The following EFCAB13 variants were observed in gnomAD, a reference collection of about 807,000 sequenced individuals.
The protein encoded by EFCAB13 is EF-hand calcium binding domain 13.
Under a neutral mutation model 110.2 loss-of-function variants are expected in EFCAB13, and 91 were observed. The ratio of observed to expected loss-of-function variants is 0.83; its 90% CI spans 0.70 to 0.98. The LOEUF (loss-of-function observed/expected upper bound fraction) is 0.98. Ranked by LOEUF, EFCAB13 falls within the 50% of genes least tolerant of loss-of-function variation. The pLI is 0.00. For synonymous variants in EFCAB13, 323 were observed against 369.9 expected (o/e 0.87, Z 1.45); for missense variants, 968 against 1,119.4 (o/e 0.86, Z 1.93).
intron 14 of EFCAB13, among the ~76,000 whole-genome samples, chr17:47,380,056 T>C (rs1174341805): frequency 1.3e-5 from 2 of 152,146 alleles, no homozygotes; most frequent in African/African-American, 2.4e-5. Context: ...TTAAAAAGTG[T>C]TCCTTTATGT....
intron 23 of EFCAB13, among the ~76,000 whole-genome samples, chr17:47,427,322 T>A (rs1359324003): frequency 6.6e-6 from 1 of 152,134 alleles, no homozygotes; most frequent in Non-Finnish European, 1.5e-5. Flanking sequence ...CCATAGTAAT[T>A]ACTGTCTGGG....
chr17:47,381,428 A>G (rs1364732475), intron 14 of EFCAB13, among the ~76,000 whole-genome samples: 3 of 152,174 alleles, frequency 2.0e-5, no homozygotes, highest in Non-Finnish European at 4.4e-5. Context: ...GTCTTTGCCC[A>G]TGCCTATGTC....
Position 47,341,896 on chromosome 17 carries a change from T to C in EFCAB13, c.192-25T>C, listed in dbSNP as rs770615597. On this transcript the variant is annotated intron_variant, in intron 5 of 24. Coordinates refer to ENST00000331493, the MANE Select transcript of EFCAB13 (RefSeq NM_152347.5). ...GAATAAGTAAAAAGAAATTCAAGAA[T>C]GATTCCAATTTCTGTGTCATTTAGA... The C allele has an allele frequency of 8.6e-6, 11 of 1,284,036 alleles. No homozygotes were observed. The Admixed American group carries it at 2.4e-4, about 28-fold the overall frequency. 79.5% of individuals were successfully genotyped at this position (1,284,036 alleles called of 1,614,324 possible).
rs1187612737 is a variant in EFCAB13, at chr17:47,371,059, G to GT, written c.877+553dup. On this transcript the variant is annotated intron_variant, in intron 11 of 24. Transcript: ENST00000331493. The stretch of plus-strand genomic sequence containing the variant: ...CTGGCTCTTTGCCCAGTTTTTAATG[G>GT]TTGTTTTTTTTTTTTTTTTTTTTTA... Among the ~76,000 whole-genome samples the GT allele has an allele frequency of 1.2e-3, 141 of 121,804 alleles. 1 individual carries two copies. Among genetic ancestry groups the GT allele is most frequent in the Middle Eastern group, 4.9e-3 (1 of 206 alleles). The allele number at this position is 121,804 out of a possible 152,430, so 79.9% of individuals were successfully genotyped here.
intron 10 of EFCAB13, among the ~76,000 whole-genome samples, chr17:47,363,978 C>G (rs1209713817): frequency 6.6e-6 from 1 of 152,090 alleles, no homozygotes; most frequent in Non-Finnish European, 1.5e-5. Context: ...CATGCCCTAC[C>G]AGGAACAACA....
chr17:47,424,131 G>A (rs892701195), intron 23 of EFCAB13, among the ~76,000 whole-genome samples: 6 of 152,164 alleles, frequency 3.9e-5, no homozygotes, highest in African/African-American at 7.2e-5. Flanking sequence ...GAGAGCGGAC[G>A]AGGCCCACGG....
chr17:47,331,658 G>C (rs995569650), intron 4 of EFCAB13, among the ~76,000 whole-genome samples: 1 of 152,106 alleles, frequency 6.6e-6, no homozygotes, highest in Admixed American at 6.6e-5. Context: ...AATGTATTAT[G>C]ACATATAGTC....
intron 12 of EFCAB13, among the ~76,000 whole-genome samples, chr17:47,376,579 A>G (rs531280646): frequency 3.9e-5 from 6 of 152,320 alleles, no homozygotes; most frequent in African/African-American, 1.4e-4. Context: ...AAAAAATTCT[A>G]ACTTTTCATT....
chr17:47,387,769 A>G (rs1410448721), intron 14 of EFCAB13, among the ~76,000 whole-genome samples: 1 of 152,184 alleles, frequency 6.6e-6, no homozygotes, highest in Non-Finnish European at 1.5e-5. Context: ...TATTTATTCC[A>G]GTCTTTGCTG....
At position 47,394,064 on chromosome 17, in the gene EFCAB13, T is replaced by C; in HGVS notation, c.1766T>C (p.Met589Thr). 3 of 1,551,488 alleles carry C rather than the reference T, an allele frequency of 1.9e-6. No individual in the cohort carries two copies. Among genetic ancestry groups the C allele is most frequent in the Non-Finnish European group, 1.7e-6 (2 of 1,153,176 alleles). ...KVNFKEFIDT[M>T]MSNTECFSEK... Reference sequence around the variant, plus strand: ...AATTTTAAAGAATTCATTGATACTATGATGAGCAACACGGAATGCTTCTCT... The same window carrying C: ...AATTTTAAAGAATTCATTGATACTACGATGAGCAACACGGAATGCTTCTCT... Residue 589 changes from methionine (M) to threonine (T), a missense_variant, in exon 16 of 25, where the codon ATG (methionine) becomes ACG (threonine). Met to Thr is a moderately conservative substitution (Grantham distance 81). Transcript: ENST00000331493.
intron 24 of EFCAB13, among the ~76,000 whole-genome samples, chr17:47,438,424 C>T (rs545234646): frequency 5.3e-5 from 8 of 151,972 alleles, no homozygotes; most frequent in Admixed American, 5.2e-4. Flanking sequence ...TCCTCAGGTA[C>T]ACCAACTATT....
chr17:47,325,943 T>TATAA (rs2065282440), intron 2 of EFCAB13, among the ~76,000 whole-genome samples: 2 of 103,248 alleles, frequency 1.9e-5, no homozygotes, highest in Non-Finnish European at 3.8e-5. Flanking sequence ...TATATATATA[T>TATAA]ATATATATAT....
chr17:47,334,867 A>AT (rs1451239321), intron 4 of EFCAB13, among the ~76,000 whole-genome samples: 2 of 152,170 alleles, frequency 1.3e-5, no homozygotes, highest in East Asian at 3.8e-4. Context: ...GTGAGCCATG[A>AT]TTGCACCACG....
chr17:47,433,103 G>C (rs998314334), intron 24 of EFCAB13, among the ~76,000 whole-genome samples: 5 of 152,142 alleles, frequency 3.3e-5, no homozygotes, highest in Non-Finnish European at 7.4e-5. Context: ...CTTCTCTAGT[G>C]TATGACAGTT....
intron 23 of EFCAB13, among the ~76,000 whole-genome samples, chr17:47,425,040 G>T (rs941896671): frequency 2.0e-5 from 3 of 147,598 alleles, no homozygotes; most frequent in African/African-American, 7.5e-5. Context: ...CCGCTACCAC[G>T]CCCGGCTAAT....
chr17:47,356,861 T>C (rs1056668699), intron 9 of EFCAB13, among the ~76,000 whole-genome samples: 3 of 152,178 alleles, frequency 2.0e-5, no homozygotes, highest in Non-Finnish European at 4.4e-5. Flanking sequence ...TGGGGCAGGT[T>C]AGGCATGTCT....
chr17:47,426,435 A>G (rs1904960537), intron 23 of EFCAB13, among the ~76,000 whole-genome samples: 1 of 152,224 alleles, frequency 6.6e-6, no homozygotes, highest in Non-Finnish European at 1.5e-5. Context: ...TGAAAACCCA[A>G]TAAGACTTTC....
chr17:47,385,895 G>A (rs1038904220), intron 14 of EFCAB13, among the ~76,000 whole-genome samples: 1 of 152,160 alleles, frequency 6.6e-6, no homozygotes, highest in East Asian at 1.9e-4. Context: ...GTCTTCTGCA[G>A]GTCTGCTGCA....
chr17:47,432,444 T>TAAATA (rs1281161053), intron 24 of EFCAB13, among the ~76,000 whole-genome samples: 7 of 101,648 alleles, frequency 6.9e-5, no homozygotes, highest in African/African-American at 8.9e-5. Flanking sequence ...ATAAATAAAT[T>TAAATA]AGCTCGGTGT....
Sources: gnomAD v4.1 joint callset for allele counts (sites outside exome capture counted in the v4.1 genomes callset) on GRCh38, gnomAD v4.1.1 for gene constraint, MANE v1.5 for transcripts, NCBI Gene and HGNC (gene_info 2026-07-23, HGNC 2026-07-21) for gene names.